Variants in PALM2AKAP2 observed in about 807,000 individuals in gnomAD.
PALM2AKAP2 encodes the protein PALM2 and AKAP2 fusion, also known as PALM2-AKAP2 fusion protein.
PALM2AKAP2 carries 37 observed loss-of-function variants against 71.5 expected under a neutral mutation model. That is an observed-to-expected ratio of 0.52 (90% CI 0.40 to 0.68). PALM2AKAP2 has a LOEUF of 0.68. PALM2AKAP2 is among the 30% of genes least tolerant of loss of function. The pLI is 0.00. For missense variants in PALM2AKAP2, 1,224 were observed against 1,191.8 expected (o/e 1.03, Z -0.40); for synonymous variants, 468 against 478.8 (o/e 0.98, Z 0.29).
At chr9:110,005,280 G>T (rs932405155) in intron 6 of PALM2AKAP2, among the ~76,000 whole-genome samples, 1 of 152,210 alleles carries the variant, frequency 6.6e-6, no homozygotes, top group East Asian at 1.9e-4. Flanking sequence ...TTGGAGTTTG[G>T]TGAAAGTCCA....
At chr9:110,059,115 G>T (rs369401872) in intron 1 of PALM2AKAP2, among the ~76,000 whole-genome samples, 5 of 152,176 alleles carry the variant, frequency 3.3e-5, no homozygotes, top group Admixed American at 6.5e-5. Flanking sequence ...TGCCAGGCTG[G>T]TCTCAAACTC....
chr9:110,031,233 G>T (rs969915789), intron 7 of PALM2AKAP2, among the ~76,000 whole-genome samples: 3 of 152,048 alleles, frequency 2.0e-5, no homozygotes, highest in Non-Finnish European at 2.9e-5. Context: ...AGTATTTCTT[G>T]TGCCTTAGCC....
intron 1 of PALM2AKAP2, among the ~76,000 whole-genome samples, chr9:110,120,967 A>G (rs1835473418): frequency 6.6e-6 from 1 of 152,208 alleles, no homozygotes; most frequent in East Asian, 1.9e-4. Flanking sequence ...ATGAGATCAT[A>G]GTGCATGACA....
chr9:110,011,014 A>AAAAAAAATATATATATATAT (rs35212981), intron 6 of PALM2AKAP2, among the ~76,000 whole-genome samples: 1 of 69,588 alleles, frequency 1.4e-5, no homozygotes, highest in African/African-American at 7.8e-5. Context: ...AAAAAAAAAA[A>AAAAAAAATATATATATATAT]ATATATATAT....
chr9:110,093,147 C>G (rs755680161), intron 1 of PALM2AKAP2, among the ~76,000 whole-genome samples: 1 of 152,156 alleles, frequency 6.6e-6, no homozygotes, highest in Non-Finnish European at 1.5e-5. Context: ...GGCCATGTAG[C>G]CAGTTGTTGT....
At chr9:110,077,229 A>G (rs1408902453) in intron 1 of PALM2AKAP2, among the ~76,000 whole-genome samples, 1 of 152,210 alleles carries the variant, frequency 6.6e-6, no homozygotes, top group African/African-American at 2.4e-5. Flanking sequence ...GGAAGACTGT[A>G]GTCGTACTCC....
At chr9:109,933,836 C>CT (rs1264805311) in intron 6 of PALM2AKAP2, among the ~76,000 whole-genome samples, 8 of 152,176 alleles carry the variant, frequency 5.3e-5, no homozygotes, top group African/African-American at 1.9e-4. Context: ...CGATGAACTC[C>CT]TTTGTCCAGG....
chr9:109,757,630 T>C (rs1286414419), intron 1 of PALM2AKAP2, among the ~76,000 whole-genome samples: 13 of 152,100 alleles, frequency 8.5e-5, no homozygotes. Flanking sequence ...GTTGTGTGCA[T>C]TGATCATGAA....
intron 6 of PALM2AKAP2, among the ~76,000 whole-genome samples, chr9:109,991,917 T>C (rs146971565): frequency 6.6e-6 from 1 of 152,330 alleles, no homozygotes; most frequent in East Asian, 1.9e-4. Context: ...AGTAGTTACA[T>C]AAAATTAAAT....
intron 1 of PALM2AKAP2, among the ~76,000 whole-genome samples, chr9:109,738,878 C>T (rs934416523): frequency 1.4e-5 from 2 of 147,608 alleles, no homozygotes; most frequent in African/African-American, 4.8e-5. Flanking sequence ...TCCCTGTGTA[C>T]TGCAAATGGT....
chr9:110,068,484 G>C (rs1412447257), intron 1 of PALM2AKAP2, among the ~76,000 whole-genome samples: 1 of 147,542 alleles, frequency 6.8e-6, no homozygotes, highest in African/African-American at 2.6e-5. Context: ...TGGGTCTGAG[G>C]TTTTCTCTAC....
rs556519477 is a variant in PALM2AKAP2, at chr9:109,687,148, A to AT, written c.5+46284dup. 1.2e-3 allele frequency among the ~76,000 whole-genome samples: 180 copies of AT among 152,252 alleles called. 1 individual carries two copies. Among genetic ancestry groups the AT allele is most frequent in the African/African-American group, 4.1e-3 (169 of 41,554 alleles). ...TGCCGATAGAACACAGGCAGAGTAG[A>AT]TTCGCATAATTCTTAAGAGCTCTAG... On this transcript the variant is annotated intron_variant, in intron 1 of 6. Coordinates refer to the PALM2AKAP2 transcript ENST00000374531.
chr9:110,095,369 C>A (rs935002159), intron 1 of PALM2AKAP2, among the ~76,000 whole-genome samples: 1 of 152,150 alleles, frequency 6.6e-6, no homozygotes, highest in African/African-American at 2.4e-5. Flanking sequence ...GAGGACACCG[C>A]AGCCTTGCTT....
intron 3 of PALM2AKAP2, among the ~76,000 whole-genome samples, chr9:109,881,876 C>A (rs1276370605): frequency 1.1e-5 from 1 of 95,116 alleles, no homozygotes; most frequent in Non-Finnish European, 2.1e-5. Flanking sequence ...CTTATGAGCT[C>A]TTTTTTTTTT....
intron 1 of PALM2AKAP2, among the ~76,000 whole-genome samples, chr9:109,667,533 T>C (rs1324803526): frequency 1.3e-5 from 2 of 152,208 alleles, no homozygotes; most frequent in Non-Finnish European, 2.9e-5. Context: ...CTCACGCCTG[T>C]AATCCCAGCA....
At chr9:110,131,201 TA>T (rs1160473345) in intron 1 of PALM2AKAP2, among the ~76,000 whole-genome samples, 3 of 75,802 alleles carry the variant, frequency 4.0e-5, no homozygotes, top group East Asian at 1.0e-3. Context: ...AACCAGCTGT[TA>T]ACTATTCTAG....
intron 1 of PALM2AKAP2, among the ~76,000 whole-genome samples, chr9:109,822,280 CATCCATCCATCCATCCATCCATCCATCT>C (rs1828029536): frequency 2.0e-5 from 3 of 151,430 alleles, no homozygotes; most frequent in Admixed American, 2.0e-4. Context: ...TCCATCCATC[CATCCATCCATCCATCCATCCATCCATCT>C]ATCCATCCAT....
At chr9:109,840,332 G>T (rs1828621392) in intron 1 of PALM2AKAP2, among the ~76,000 whole-genome samples, 2 of 152,156 alleles carry the variant, frequency 1.3e-5, no homozygotes, top group African/African-American at 2.4e-5. Flanking sequence ...GCTGAAACTG[G>T]ATCCCTTCCT....
At chr9:109,688,723 T>C (rs10816855) in intron 1 of PALM2AKAP2, among the ~76,000 whole-genome samples, 42,535 of 152,146 alleles carry the variant, frequency 0.28, 6,773 homozygotes, top group African/African-American at 0.44. Flanking sequence ...AGTAGGGATA[T>C]ACTTTATGGA....
Sources: gnomAD v4.1 joint callset for allele counts (sites outside exome capture counted in the v4.1 genomes callset) on GRCh38, gnomAD v4.1.1 for gene constraint, MANE v1.5 for transcripts, NCBI Gene and HGNC (gene_info 2026-07-23, HGNC 2026-07-21) for gene names.